The following DLGAP2 variants were observed in gnomAD, a reference collection of about 807,000 sequenced individuals.
DLGAP2 encodes the protein DLG associated protein 2.
Under a neutral mutation model 100.3 loss-of-function variants are expected in DLGAP2, and 26 were observed. The observed-to-expected ratio is 0.26, with a 90% confidence interval of 0.19 to 0.36. The LOEUF (loss-of-function observed/expected upper bound fraction) is 0.36, where lower values mean the gene tolerates loss of function less well. DLGAP2 is among the 10% of genes least tolerant of loss of function. The probability of loss-of-function intolerance (pLI) is 1.00; values close to 1 mark genes in which losing one functional copy is unlikely to be tolerated. For missense variants in DLGAP2, 1,858 were observed against 1,453.2 expected, an observed-to-expected ratio of 1.28 and a Z score of -4.53; for synonymous variants, 886 against 630.1, an observed-to-expected ratio of 1.41 and a Z score of -6.08.
intron 1 of DLGAP2, chr8:740,362 A>G (rs1820452368): frequency 6.6e-6 from 1 of 152,166 alleles, no homozygotes; most frequent in Non-Finnish European, 1.5e-5. Context: ...ATAAACATGT[A>G]TTTATTTACC....
chr8:1,024,691 C>T (rs1235539288), intron 2 of DLGAP2, among the ~76,000 whole-genome samples: 1 of 152,212 alleles, frequency 6.6e-6, no homozygotes, highest in African/African-American at 2.4e-5. Context: ...GGTTTGTTCT[C>T]TCTGCTCGTG....
chr8:761,804 C>G (rs903843479), intron 1 of DLGAP2, among the ~76,000 whole-genome samples: 1 of 152,188 alleles, frequency 6.6e-6, no homozygotes, highest in Non-Finnish European at 1.5e-5. Context: ...CCCTCTGTCC[C>G]GGGCTAGCTT....
At chr8:773,926 G>T (rs1821439378) in intron 1 of DLGAP2, among the ~76,000 whole-genome samples, 2 of 152,184 alleles carry the variant, frequency 1.3e-5, no homozygotes, top group Non-Finnish European at 1.5e-5. Context: ...TCGCCACACT[G>T]ACTTCCACAA....
intron 4 of DLGAP2, among the ~76,000 whole-genome samples, chr8:1,508,966 A>G (rs1334422611): frequency 6.6e-6 from 1 of 152,142 alleles, no homozygotes; most frequent in Admixed American, 6.5e-5. Flanking sequence ...GCTGCAACTC[A>G]TTAATGACCC....
At chr8:1,501,310 G>A in intron 3 of DLGAP2, 56 bp from the exon 4 acceptor site, 1 of 1,511,444 alleles carries the variant, frequency 6.6e-7, no homozygotes. Flanking sequence ...TGCAGGGAAT[G>A]ACTGCAGTCT....
At chr8:825,712 G>T (rs1374627637) in intron 1 of DLGAP2, among the ~76,000 whole-genome samples, 1 of 151,972 alleles carries the variant, frequency 6.6e-6, no homozygotes, top group Non-Finnish European at 1.5e-5. Context: ...TTTAATTATT[G>T]TGGGTTCATA....
chr8:986,880 A>G (rs936451719), intron 2 of DLGAP2, among the ~76,000 whole-genome samples: 2 of 152,026 alleles, frequency 1.3e-5, no homozygotes, highest in Non-Finnish European at 2.9e-5. Flanking sequence ...GGCTGGTCTC[A>G]AACTCCTGAC....
At chr8:836,424 C>T (rs1275004049) in intron 1 of DLGAP2, among the ~76,000 whole-genome samples, 2 of 152,194 alleles carry the variant, frequency 1.3e-5, no homozygotes, top group African/African-American at 2.4e-5. Flanking sequence ...TGGGGCGATG[C>T]TCTGTAGGTC....
chr8:905,431 C>A (rs373937575), intron 1 of DLGAP2, among the ~76,000 whole-genome samples: 2 of 152,280 alleles, frequency 1.3e-5, no homozygotes, highest in East Asian at 1.9e-4. Context: ...TGCGTCTGAA[C>A]TGGTGACTCT....
rs1799700408 is a variant in DLGAP2, at chr8:1,706,207, A to G, written c.*4801A>G. On this transcript the variant is annotated 3_prime_UTR_variant, in exon 15 of 15. Coordinates refer to ENST00000637795, the MANE Select transcript of DLGAP2 (RefSeq NM_001346810.2). ...TATTGCTAGGAATCTCTAGGCTGTT[A>G]GGCAACCTGGCTTTTATTCATCCTC... The G allele has an allele frequency of 6.6e-6, 1 of 152,260 alleles. No homozygotes were observed. Among genetic ancestry groups the G allele is most frequent in the Non-Finnish European group, 1.5e-5 (1 of 68,052 alleles). 9.4% of individuals were successfully genotyped at this position (152,260 alleles called of 1,614,324 possible). A position where few individuals can be genotyped will look rare whatever the true frequency, so the allele number is the denominator to read the frequency against.
intron 4 of DLGAP2, 28 bp from the exon 5 acceptor site, chr8:1,548,598 G>C: frequency 6.8e-7 from 1 of 1,463,388 alleles, no homozygotes; most frequent in Non-Finnish European, 9.0e-7. Context: ...GCTTCCGGGT[G>C]TTCAATGCCG....
chr8:1,631,056 G>A (rs1797632925), intron 7 of DLGAP2, among the ~76,000 whole-genome samples: 1 of 151,814 alleles, frequency 6.6e-6, no homozygotes, highest in Non-Finnish European at 1.5e-5. Context: ...GGTGCCCCAA[G>A]GGTCTGGGCG....
chr8:800,977 A>G (rs573425626), intron 1 of DLGAP2, among the ~76,000 whole-genome samples: 1 of 149,902 alleles, frequency 6.7e-6, no homozygotes, highest in Non-Finnish European at 1.5e-5. Flanking sequence ...GTCCCCATCC[A>G]CCTGCCACCG....
intron 8 of DLGAP2, among the ~76,000 whole-genome samples, chr8:1,641,574 C>A (rs145519237): frequency 4.8e-4 from 73 of 152,236 alleles, no homozygotes; most frequent in African/African-American, 1.6e-3. Context: ...CAGTTGACAA[C>A]GATCTGCGTC....
At chr8:1,188,910 A>G (rs1430382470) in intron 2 of DLGAP2, among the ~76,000 whole-genome samples, 1 of 152,102 alleles carries the variant, frequency 6.6e-6, no homozygotes, top group Admixed American at 6.5e-5. Flanking sequence ...TTCTCCTCAC[A>G]CAGGTTGCCT....
intron 2 of DLGAP2, among the ~76,000 whole-genome samples, chr8:1,208,308 G>A (rs1185600257): frequency 6.6e-6 from 1 of 152,096 alleles, no homozygotes; most frequent in Admixed American, 6.5e-5. Context: ...AGGACCATTT[G>A]TTGAATAGGG....
chr8:1,340,094 G>C (rs1801385302), intron 3 of DLGAP2, among the ~76,000 whole-genome samples: 1 of 152,132 alleles, frequency 6.6e-6, no homozygotes, highest in Admixed American at 6.5e-5. Context: ...ATTAATTCAA[G>C]ATGCATTGAA....
intron 2 of DLGAP2, among the ~76,000 whole-genome samples, chr8:1,167,060 C>T (rs865888609): frequency 7.9e-5 from 12 of 151,900 alleles, no homozygotes; most frequent in South Asian, 4.2e-4. Flanking sequence ...CGCTTGAGCC[C>T]GGGAGGTTGA....
chr8:1,697,212 C>T lies in DLGAP2; in HGVS notation c.2862C>T (p.Leu954=), dbSNP rs556300127. The T allele has an allele frequency of 6.2e-7, 1 of 1,611,416 alleles. No homozygotes were observed. Among genetic ancestry groups the T allele is most frequent in the East Asian group, 2.2e-5 (1 of 44,784 alleles). ...CCGGCTACTGGGACATGCTGCAGCTCTCCATTGAGGACGTCAGCATGAAGT... is the reference window on the plus strand; with the variant it reads ...CCGGCTACTGGGACATGCTGCAGCTTTCCATTGAGGACGTCAGCATGAAGT... ...DLAGYWDMLQ[L]SIEDVSMKFD... is the part of the protein sequence containing the mutation. The change falls in exon 14 of 15, where the codon CTC becomes CTT. Residue 954 remains leucine (L), a synonymous_variant. Transcript: ENST00000637795.
Sources: allele counts gnomAD v4.1 joint callset (sites outside exome capture counted in the v4.1 genomes callset), GRCh38; gene constraint gnomAD v4.1.1; transcripts MANE v1.5; gene names NCBI Gene and HGNC (gene_info 2026-07-23, HGNC 2026-07-21).